GAREM1: variants seen among roughly 807,000 people sequenced by gnomAD.
The protein encoded by GAREM1 is GRB2 associated regulator of MAPK1 subtype 1.
Under a neutral mutation model 71.3 loss-of-function variants are expected in GAREM1, and 26 were observed. The observed-to-expected ratio is 0.36, with a 90% CI of 0.27 to 0.51. GAREM1 has a LOEUF of 0.51. Among genes scored for constraint, GAREM1 ranks in the 20% least tolerant of loss-of-function variants. The probability of loss-of-function intolerance (pLI) is 0.95; values close to 1 mark genes in which losing one functional copy is unlikely to be tolerated. For synonymous variants in GAREM1, 440 were observed against 433.2 expected, an observed-to-expected ratio of 1.02 and a Z score of -0.20; for missense variants, 1,026 against 1,103.1, an observed-to-expected ratio of 0.93 and a Z score of 0.99.
chr18:32,395,172 C>A (rs889210288), intron 1 of GAREM1, among the ~76,000 whole-genome samples: 1 of 152,194 alleles, frequency 6.6e-6, no homozygotes, highest in African/African-American at 2.4e-5. Flanking sequence ...GGTCTCTCTC[C>A]ATCTCTCTCC....
intron 1 of GAREM1, among the ~76,000 whole-genome samples, chr18:32,424,731 T>C (rs2094287861): frequency 3.3e-5 from 5 of 152,220 alleles, no homozygotes; most frequent in African/African-American, 1.2e-4. Flanking sequence ...TGGCTTTATA[T>C]TGCTATCAAC....
chr18:32,316,051 A>G (rs953671617), intron 2 of GAREM1, among the ~76,000 whole-genome samples: 4 of 152,186 alleles, frequency 2.6e-5, no homozygotes, highest in African/African-American at 9.7e-5. Context: ...CACTTTTGGT[A>G]TGGTCATAGG....
intron 1 of GAREM1, among the ~76,000 whole-genome samples, chr18:32,417,484 G>A (rs1216603066): frequency 1.7e-4 from 26 of 152,152 alleles, no homozygotes; most frequent in Admixed American, 1.7e-3. Flanking sequence ...TCCATCAGCA[G>A]ATGAATGGAT....
At chr18:32,358,476 C>G (rs918032380) in intron 2 of GAREM1, among the ~76,000 whole-genome samples, 5 of 152,116 alleles carry the variant, frequency 3.3e-5, no homozygotes, top group Non-Finnish European at 5.9e-5. Flanking sequence ...TCCTCTCCCC[C>G]AAAAGGGTGC....
intron 1 of GAREM1, among the ~76,000 whole-genome samples, chr18:32,457,707 T>C (rs2048910242): frequency 6.6e-6 from 1 of 152,124 alleles, no homozygotes; most frequent in South Asian, 2.1e-4. Flanking sequence ...AATACAACTA[T>C]TTATAGAGTC....
chr18:32,427,455 T>C (rs1229328900), intron 1 of GAREM1, among the ~76,000 whole-genome samples: 1 of 152,068 alleles, frequency 6.6e-6, no homozygotes, highest in Non-Finnish European at 1.5e-5. Context: ...CCTCCCTGAG[T>C]TTGACATGGA....
intron 1 of GAREM1, among the ~76,000 whole-genome samples, chr18:32,438,317 G>A (rs1049210817): frequency 1.3e-5 from 2 of 152,176 alleles, no homozygotes; most frequent in African/African-American, 2.4e-5. Flanking sequence ...GCTTCCATCC[G>A]TGACCTTCCT....
intron 2 of GAREM1, among the ~76,000 whole-genome samples, chr18:32,348,943 A>C (rs1289010615): frequency 6.6e-6 from 1 of 152,214 alleles, no homozygotes; most frequent in East Asian, 1.9e-4. Flanking sequence ...ATTTACAAAG[A>C]ATTCTGAGGA....
At chr18:32,447,632 G>A (rs1186678647) in intron 1 of GAREM1, among the ~76,000 whole-genome samples, 5 of 152,214 alleles carry the variant, frequency 3.3e-5, no homozygotes, top group African/African-American at 9.6e-5. Flanking sequence ...CTCAGGATTG[G>A]TATAGATCTG....
At chr18:32,434,852 T>G (rs959297935) in intron 1 of GAREM1, among the ~76,000 whole-genome samples, 2 of 152,018 alleles carry the variant, frequency 1.3e-5, no homozygotes, top group Non-Finnish European at 2.9e-5. Flanking sequence ...TCCAAGTAAC[T>G]CTCTCCAAAT....
rs1427443902 is a variant in GAREM1 at position 32,376,268 on chromosome 18, CA to C, written c.262+16626del. Among the ~76,000 whole-genome samples, 45 of 152,312 alleles carry C rather than the reference CA, an allele frequency of 3.0e-4. 1 individual carries two copies. In the Middle Eastern group the frequency reaches 0.01, roughly 35 times the overall value. Reference sequence around the variant, plus strand: ...AAGATTTAATTGTCTCCACTTAGATCAGGCCAAGGACTTTACAGGGTAAACA... The same window carrying C: ...AAGATTTAATTGTCTCCACTTAGATCGGCCAAGGACTTTACAGGGTAAACA... On this transcript the variant is annotated intron_variant, in intron 2 of 5. Transcript: ENST00000269209.
intron 2 of GAREM1, among the ~76,000 whole-genome samples, chr18:32,379,193 G>A (rs138718153): frequency 6.6e-6 from 1 of 152,100 alleles, no homozygotes; most frequent in African/African-American, 2.4e-5. Context: ...TGCATGAGAG[G>A]TGCTCCCAGA....
intron 2 of GAREM1, among the ~76,000 whole-genome samples, chr18:32,348,730 A>C (rs964381947): frequency 6.6e-6 from 1 of 152,198 alleles, no homozygotes; most frequent in Non-Finnish European, 1.5e-5. Flanking sequence ...CCATCTCTAA[A>C]TAAATAAATA....
chr18:32,395,265 T>C (rs1445348056), intron 1 of GAREM1, among the ~76,000 whole-genome samples: 1 of 152,202 alleles, frequency 6.6e-6, no homozygotes, highest in East Asian at 1.9e-4. Flanking sequence ...ACCTTTGGCT[T>C]CAAGTTTCAT....
chr18:32,426,515 A>T (rs1287040226), intron 1 of GAREM1, among the ~76,000 whole-genome samples: 1 of 152,234 alleles, frequency 6.6e-6, no homozygotes, highest in Non-Finnish European at 1.5e-5. Context: ...ACTCTATTAT[A>T]TACAGGTCTG....
intron 1 of GAREM1, among the ~76,000 whole-genome samples, chr18:32,397,620 G>A (rs1310915521): frequency 6.6e-6 from 1 of 152,176 alleles, no homozygotes; most frequent in Non-Finnish European, 1.5e-5. Flanking sequence ...AAATATATAT[G>A]CACCCAATAC....
chr18:32,417,622 A>T (rs1038237495), intron 1 of GAREM1, among the ~76,000 whole-genome samples: 2 of 152,176 alleles, frequency 1.3e-5, no homozygotes, highest in Non-Finnish European at 2.9e-5. Context: ...CCAGGCACAG[A>T]AAGACAGACA....
chr18:32,268,616 T>C lies in GAREM1; in HGVS notation c.1886A>G (p.His629Arg), dbSNP rs200151944. The C allele has an allele frequency of 5.1e-5, 83 of 1,614,080 alleles. No individual in the cohort carries two copies. The highest frequency in any genetic ancestry group is 6.2e-5 in the Non-Finnish European group (73 of 1,180,010). The change falls in exon 6 of 6, where the codon CAT (histidine) becomes CGT (arginine). Residue 629 changes from histidine to arginine, a missense_variant. By Grantham distance (29) the His-to-Arg change is conservative. Around this residue, in one of 3 missense-constraint regions of GAREM1, gnomAD observed 636 missense variants for 631.2 expected, o/e 1.01. Coordinates refer to ENST00000269209, the MANE Select transcript of GAREM1 (RefSeq NM_001242409.2). ...CTGGCTTTCTGATGCTCCTGAATAA[T>C]GGTTAGGCCATGAGAGCCGAGAGGA... The part of the protein sequence containing the change: ...AVSSRLSWPN[H>R]YSGASESQTR...
At position 32,265,846 on chromosome 18, in the gene GAREM1, A is replaced by G. The variant is rs144553738; in HGVS notation, c.*2025T>C. The G allele has an allele frequency of 2.1e-3, 323 of 152,338 alleles. 1 individual carries two copies. Among genetic ancestry groups the G allele is most frequent in the African/African-American group, 7.0e-3 (289 of 41,572 alleles). The allele number at this position is 152,338 out of a possible 1,614,324, so 9.4% of individuals were successfully genotyped here. On this transcript the variant is annotated 3_prime_UTR_variant, in exon 6 of 6. Coordinates refer to ENST00000269209, the MANE Select transcript of GAREM1 (RefSeq NM_001242409.2). ...AAAACGGATTCAGCTAGGTTTGCCA[A>G]TGAAAACTTGCAGCTTAGTAACTGC...
Sources: gnomAD v4.1 joint callset for allele counts (sites outside exome capture counted in the v4.1 genomes callset) on GRCh38, gnomAD v4.1.1 for gene constraint, gnomAD v4.1.1 regional missense constraint, MANE v1.5 for transcripts, NCBI Gene and HGNC (gene_info 2026-07-23, HGNC 2026-07-21) for gene names.